The following NBAS variants were observed in gnomAD, a reference collection of about 807,000 sequenced individuals.
NBAS encodes the protein NAG/BC035112 fusion.
Under a neutral mutation model 302.5 loss-of-function variants are expected in NBAS, and 219 were observed. That is an observed-to-expected ratio of 0.72 (90% confidence interval 0.65 to 0.81). The LOEUF (loss-of-function observed/expected upper bound fraction) is 0.81, where lower values mean the gene tolerates loss of function less well. Ranked by LOEUF, NBAS falls within the 30% of genes least tolerant of loss-of-function variation. The pLI is 0.00. For synonymous variants in NBAS, 1,118 were observed against 1,021.6 expected (o/e 1.09, Z -1.80); for missense variants, 2,932 against 2,841.6 (o/e 1.03, Z -0.72).
chr2:14,817,124 C>T, the NBAS span, among the ~76,000 whole-genome samples: 1 of 152,338 alleles, frequency 6.6e-6, no homozygotes, highest in African/African-American at 2.4e-5. Context: ...ACACATCATG[C>T]TTCCCCCAAA....
At chr2:14,799,421 A>C in the NBAS span, among the ~76,000 whole-genome samples, 1 of 152,104 alleles carries the variant, frequency 6.6e-6, no homozygotes, top group South Asian at 2.1e-4. Flanking sequence ...CCAGAGGACA[A>C]AATTTATCTT....
At chr2:15,405,980 T>C (rs1676388451) in intron 25 of NBAS, among the ~76,000 whole-genome samples, 2 of 151,934 alleles carry the variant, frequency 1.3e-5, no homozygotes, top group East Asian at 1.9e-4. Context: ...TATACAAATA[T>C]TGGTCTCCCT....
At chr2:15,156,846 C>T in the NBAS span, among the ~76,000 whole-genome samples, 2 of 152,174 alleles carry the variant, frequency 1.3e-5, no homozygotes, top group South Asian at 2.1e-4. Flanking sequence ...ACATAATTTC[C>T]GCTGCCTCTA....
the NBAS span, among the ~76,000 whole-genome samples, chr2:15,073,636 A>G: frequency 7.9e-5 from 12 of 152,130 alleles, no homozygotes; most frequent in Non-Finnish European, 1.8e-4. Flanking sequence ...ACTTAAATAT[A>G]TATTACTAAG....
chr2:15,325,772 C>T (rs369161635), intron 38 of NBAS, among the ~76,000 whole-genome samples: 3 of 152,308 alleles, frequency 2.0e-5, no homozygotes, highest in East Asian at 1.9e-4. Context: ...AACTTTTCCT[C>T]TGCATTCACA....
At chr2:15,031,039 C>T in the NBAS span, among the ~76,000 whole-genome samples, 10 of 152,156 alleles carry the variant, frequency 6.6e-5, no homozygotes, top group South Asian at 2.1e-4. Flanking sequence ...GGCTGCTATG[C>T]GCCACTCCAT....
chr2:15,290,863 C>T (rs1670276644), intron 41 of NBAS, among the ~76,000 whole-genome samples: 1 of 152,138 alleles, frequency 6.6e-6, no homozygotes, highest in Non-Finnish European at 1.5e-5. Flanking sequence ...TCTCTCTATG[C>T]CATGCCTCGT....
chr2:14,871,632 T>C, the NBAS span, among the ~76,000 whole-genome samples: 30,370 of 151,914 alleles, frequency 0.2, 4,700 homozygotes, highest in African/African-American at 0.43. Flanking sequence ...TGTATAATAG[T>C]AGCACAAAAG....
chr2:15,138,968 T>C, the NBAS span, among the ~76,000 whole-genome samples: 8 of 152,362 alleles, frequency 5.3e-5, no homozygotes, highest in South Asian at 1.7e-3. Context: ...GCCTTTGGGA[T>C]GTCAAACACA....
At chr2:14,839,614 C>A in the NBAS span, among the ~76,000 whole-genome samples, 3 of 152,060 alleles carry the variant, frequency 2.0e-5, no homozygotes, top group African/African-American at 7.2e-5. Flanking sequence ...CCTTTCCATT[C>A]CATCAGGATA....
chr2:14,949,460 C>T, the NBAS span, among the ~76,000 whole-genome samples: 1 of 152,082 alleles, frequency 6.6e-6, no homozygotes, highest in African/African-American at 2.4e-5. Context: ...AGAAGACATA[C>T]ATATGGCCAA....
At chr2:15,190,938 T>A (rs1158706994) in intron 48 of NBAS, among the ~76,000 whole-genome samples, 1 of 152,206 alleles carries the variant, frequency 6.6e-6, no homozygotes, top group Non-Finnish European at 1.5e-5. Context: ...CCATTTCGAA[T>A]GAAAAAGTAG....
the NBAS span, among the ~76,000 whole-genome samples, chr2:14,780,982 G>A: frequency 6.6e-6 from 1 of 152,188 alleles, no homozygotes; most frequent in Non-Finnish European, 1.5e-5. Flanking sequence ...GGGAACTAGA[G>A]AGACAATTCT....
chr2:15,296,625 G>GT, intron 40 of NBAS, among the ~76,000 whole-genome samples: 1 of 151,990 alleles, frequency 6.6e-6, no homozygotes, highest in East Asian at 1.9e-4. Flanking sequence ...GAGGCCAGAA[G>GT]TTTAAGACCA....
chr2:14,939,832 C>G, the NBAS span, among the ~76,000 whole-genome samples: 2 of 152,152 alleles, frequency 1.3e-5, no homozygotes, highest in African/African-American at 4.8e-5. Context: ...CCAAAAATGT[C>G]CAAATGTTAA....
chr2:15,477,402 C>T (rs895120413), intron 13 of NBAS, among the ~76,000 whole-genome samples: 1 of 152,142 alleles, frequency 6.6e-6, no homozygotes, highest in African/African-American at 2.4e-5. Context: ...TCTGGGATTA[C>T]AGGTGTGCAC....
At chr2:15,269,174 G>A (rs904970417) in intron 44 of NBAS, among the ~76,000 whole-genome samples, 5 of 152,092 alleles carry the variant, frequency 3.3e-5, no homozygotes, top group African/African-American at 4.8e-5. Context: ...AGAGGAACAC[G>A]GGGCTTCAGT....
At chr2:15,445,147 A>G (rs1328543582) in intron 21 of NBAS, among the ~76,000 whole-genome samples, 4 of 151,570 alleles carry the variant, frequency 2.6e-5, no homozygotes, top group African/African-American at 9.7e-5. Context: ...CAGCCATCCC[A>G]TTACTGGGTA....
intron 44 of NBAS, among the ~76,000 whole-genome samples, chr2:15,263,808 C>T (rs929735): frequency 0.59 from 89,414 of 152,050 alleles, 29,163 homozygotes; most frequent in African/African-American, 0.87. Flanking sequence ...ACATCTTTAA[C>T]TGAGTTATTT....
Sources: allele counts gnomAD v4.1 joint callset (sites outside exome capture counted in the v4.1 genomes callset), GRCh38; gene constraint gnomAD v4.1.1; transcripts MANE v1.5; gene names NCBI Gene and HGNC (gene_info 2026-07-23, HGNC 2026-07-21).